The following NCKAP5 variants were observed in gnomAD, a reference collection of about 807,000 sequenced individuals.
NCKAP5 encodes nck-associated protein 5.
NCKAP5 carries 92 observed loss-of-function variants against 167.0 expected under a neutral mutation model. The ratio of observed to expected loss-of-function variants is 0.55; its 90% CI spans 0.47 to 0.66. The LOEUF (loss-of-function observed/expected upper bound fraction) is 0.66, where lower values mean the gene tolerates loss of function less well. Ranked by LOEUF, NCKAP5 falls within the 30% of genes least tolerant of loss-of-function variation. The pLI is 0.00. For missense variants in NCKAP5, 2,378 were observed against 2,315.0 expected (o/e 1.03, Z -0.56); for synonymous variants, 891 against 877.4 (o/e 1.02, Z -0.27).
chr2:132,722,716 A>G (rs1292714588), intron 19 of NCKAP5, among the ~76,000 whole-genome samples: 3 of 152,170 alleles, frequency 2.0e-5, no homozygotes, highest in Non-Finnish European at 4.4e-5. Flanking sequence ...ACTTGGCAGA[A>G]GGCAAGGGCA....
At chr2:133,674,247 A>G in the NCKAP5 span, among the ~76,000 whole-genome samples, 2 of 151,902 alleles carry the variant, frequency 1.3e-5, no homozygotes, top group Admixed American at 1.3e-4. Context: ...GAAAAAAGAA[A>G]AAAAAAAACA....
chr2:132,871,815 G>T (rs1690841719), intron 9 of NCKAP5, among the ~76,000 whole-genome samples: 1 of 152,182 alleles, frequency 6.6e-6, no homozygotes, highest in South Asian at 2.1e-4. Flanking sequence ...ATATCAGGCA[G>T]ATTATAGACA....
At chr2:132,681,777 C>A (rs912664759) in intron 19 of NCKAP5, among the ~76,000 whole-genome samples, 1 of 152,070 alleles carries the variant, frequency 6.6e-6, no homozygotes, top group Non-Finnish European at 1.5e-5. Context: ...TATTCATTAA[C>A]CTATATAAAT....
At chr2:133,100,282 C>T (rs2081468276) in intron 6 of NCKAP5, among the ~76,000 whole-genome samples, 1 of 152,182 alleles carries the variant, frequency 6.6e-6, no homozygotes, top group South Asian at 2.1e-4. Context: ...ATGTTAGCTA[C>T]TGATTATTAA....
intron 4 of NCKAP5, among the ~76,000 whole-genome samples, chr2:133,297,209 G>GTGTT (rs1553610676): frequency 1.5e-4 from 22 of 144,738 alleles, no homozygotes; most frequent in African/African-American, 5.5e-4. Flanking sequence ...GTGTGTGTGT[G>GTGTT]TTTTAAATCA....
At chr2:133,138,442 G>T (rs2149827096) in intron 5 of NCKAP5, among the ~76,000 whole-genome samples, 1 of 152,206 alleles carries the variant, frequency 6.6e-6, no homozygotes, top group Non-Finnish European at 1.5e-5. Flanking sequence ...ATACAGTTTT[G>T]CTTTTAATAT....
At chr2:133,626,526 A>G in the NCKAP5 span, among the ~76,000 whole-genome samples, 33 of 121,408 alleles carry the variant, frequency 2.7e-4, no homozygotes, top group Non-Finnish European at 4.2e-4. Flanking sequence ...ACATGAACAA[A>G]TTGCAATTTA....
intron 8 of NCKAP5, among the ~76,000 whole-genome samples, chr2:132,898,381 T>C (rs974549357): frequency 6.6e-6 from 1 of 152,256 alleles, no homozygotes; most frequent in African/African-American, 2.4e-5. Context: ...AAGTTATCCA[T>C]TGGGGTTGGA....
intron 11 of NCKAP5, among the ~76,000 whole-genome samples, chr2:132,806,771 T>TTA (rs1288600666): frequency 1.3e-5 from 2 of 152,226 alleles, no homozygotes; most frequent in African/African-American, 4.8e-5. Context: ...TTCTTTAGTT[T>TTA]AATTAGGTCC....
chr2:132,767,904 A>G (rs549100737), intron 16 of NCKAP5, among the ~76,000 whole-genome samples: 2 of 152,340 alleles, frequency 1.3e-5, no homozygotes, highest in African/African-American at 4.8e-5. Context: ...TAGGGAGAAG[A>G]GCACCTCACA....
At chr2:133,524,982 A>G (rs983023731) in intron 2 of NCKAP5, among the ~76,000 whole-genome samples, 14 of 152,118 alleles carry the variant, frequency 9.2e-5, no homozygotes, top group Non-Finnish European at 2.9e-5. Context: ...GTATGTGTGC[A>G]TGTGTGTGTG....
chr2:132,693,602 C>T (rs1228266329), intron 19 of NCKAP5, among the ~76,000 whole-genome samples: 4 of 68,328 alleles, frequency 5.9e-5, no homozygotes, highest in South Asian at 5.3e-4. Flanking sequence ...AAGAATACCC[C>T]GAATACCCCA....
At chr2:133,612,105 T>G in the NCKAP5 span, among the ~76,000 whole-genome samples, 1 of 152,144 alleles carries the variant, frequency 6.6e-6, no homozygotes, top group African/African-American at 2.4e-5. Context: ...TAGGATACAA[T>G]AGACTTCCCA....
intron 7 of NCKAP5, among the ~76,000 whole-genome samples, chr2:132,980,124 G>A (rs2077090130): frequency 6.6e-6 from 1 of 151,564 alleles, no homozygotes; most frequent in African/African-American, 2.4e-5. Context: ...CAGGTAGCTG[G>A]GACTACAGGC....
intron 11 of NCKAP5, among the ~76,000 whole-genome samples, chr2:132,829,430 C>CCTA (rs1469573988): frequency 9.9e-5 from 15 of 152,080 alleles, no homozygotes; most frequent in Admixed American, 9.8e-4. Flanking sequence ...CACACCACAA[C>CCTA]CTATGGACAA....
chr2:133,325,984 C>A (rs1214467869), intron 3 of NCKAP5, among the ~76,000 whole-genome samples: 2 of 152,132 alleles, frequency 1.3e-5, no homozygotes, highest in Non-Finnish European at 2.9e-5. Context: ...CTGAAACTAC[C>A]CAAATGGCTG....
chr2:132,777,913 C>G (rs1036200877), intron 15 of NCKAP5, among the ~76,000 whole-genome samples: 3 of 151,604 alleles, frequency 2.0e-5, no homozygotes, highest in Admixed American at 2.0e-4. Context: ...AATTAAAATA[C>G]CCATACTAAA....
At chr2:133,368,690 T>C (rs1282365419) in intron 3 of NCKAP5, among the ~76,000 whole-genome samples, 1 of 152,192 alleles carries the variant, frequency 6.6e-6, no homozygotes, top group African/African-American at 2.4e-5. Context: ...GCCTTCAAAG[T>C]GCTAATGATT....
At chr2:133,243,228 T>C (rs1198857428) in intron 4 of NCKAP5, among the ~76,000 whole-genome samples, 3 of 152,148 alleles carry the variant, frequency 2.0e-5, no homozygotes, top group African/African-American at 7.2e-5. Context: ...CCCAACAAAG[T>C]TGTACCTAGA....
Sources: allele counts gnomAD v4.1 joint callset (sites outside exome capture counted in the v4.1 genomes callset), GRCh38; gene constraint gnomAD v4.1.1; transcripts MANE v1.5; gene names NCBI Gene and HGNC (gene_info 2026-07-23, HGNC 2026-07-21).